MROH9: variants seen among roughly 807,000 people sequenced by gnomAD.
The protein encoded by MROH9 is maestro heat-like repeat-containing protein family member 9.
A neutral mutation model predicts 98.2 loss-of-function variants in MROH9; 92 were observed. The ratio of observed to expected loss-of-function variants is 0.94; its 90% CI spans 0.79 to 1.11. MROH9 has a LOEUF of 1.11. Among genes scored for constraint, MROH9 ranks in the 50% most tolerant of loss-of-function variants. The pLI is 0.00. For missense variants in MROH9, 1,057 were observed against 1,014.8 expected (o/e 1.04, Z -0.57); for synonymous variants, 397 against 368.9 (o/e 1.08, Z -0.87).
chr1:171,048,331 A>T (rs1234704447), intron 20 of MROH9, among the ~76,000 whole-genome samples: 2 of 152,104 alleles, frequency 1.3e-5, no homozygotes, highest in East Asian at 3.9e-4. Flanking sequence ...GTTCCATTGT[A>T]TTGCAGCTTA....
chr1:170,998,448 T>C, intron 15 of MROH9, 174 bp downstream of exon 15: 1 of 1,561,656 alleles, frequency 6.4e-7, no homozygotes, highest in Non-Finnish European at 8.6e-7. Context: ...AGATCTGGGT[T>C]ATGGAAGAGT....
chr1:171,044,471 C>A (rs754524440), intron 20 of MROH9, among the ~76,000 whole-genome samples: 1 of 152,112 alleles, frequency 6.6e-6, no homozygotes, highest in Non-Finnish European at 1.5e-5. Context: ...GTAACACTAG[C>A]CTCACAGAAT....
intron 8 of MROH9, among the ~76,000 whole-genome samples, chr1:170,978,848 TG>T (rs1407453443): frequency 6.6e-6 from 1 of 152,122 alleles, no homozygotes; most frequent in African/African-American, 2.4e-5. Flanking sequence ...GACCAGCCTT[TG>T]GTCCCCACAG....
At chr1:170,998,100 T>A (rs1651647920) in intron 14 of MROH9, 54 bp from the exon 15 acceptor site, 11 of 1,323,924 alleles carry the variant, frequency 8.3e-6, no homozygotes, top group Non-Finnish European at 1.2e-5. Flanking sequence ...TCTTTGCCAC[T>A]ATTAGCATGG....
intron 6 of MROH9, among the ~76,000 whole-genome samples, chr1:170,963,172 A>T (rs550638866): frequency 4.7e-4 from 71 of 152,264 alleles, no homozygotes; most frequent in Non-Finnish European, 7.2e-4. Flanking sequence ...GGCAAAGGAC[A>T]TGAACAGACA....
At chr1:170,997,414 C>T (rs1404700160) in intron 14 of MROH9, among the ~76,000 whole-genome samples, 1 of 152,098 alleles carries the variant, frequency 6.6e-6, no homozygotes, top group East Asian at 1.9e-4. Context: ...GTGGGGTCCA[C>T]AGACAAGCAG....
chr1:171,040,395 C>G (rs1168913235), intron 20 of MROH9, among the ~76,000 whole-genome samples: 1 of 151,932 alleles, frequency 6.6e-6, no homozygotes, highest in African/African-American at 2.4e-5. Context: ...TAAAAGAACA[C>G]TTAAAATACA....
chr1:170,983,961 A>G (rs1651029041), intron 9 of MROH9, among the ~76,000 whole-genome samples: 1 of 152,260 alleles, frequency 6.6e-6, no homozygotes, highest in Admixed American at 6.5e-5. Context: ...TAAAAGCGCT[A>G]TTAAATGAAA....
chr1:171,055,157 A>T (rs1379720523), intron 20 of MROH9, among the ~76,000 whole-genome samples: 1 of 152,230 alleles, frequency 6.6e-6, no homozygotes, highest in African/African-American at 2.4e-5. Context: ...GGGTGTATAT[A>T]TACTGTGAAA....
chr1:171,013,021 A>G (rs555334601), intron 15 of MROH9, among the ~76,000 whole-genome samples: 10 of 151,726 alleles, frequency 6.6e-5, no homozygotes, highest in Non-Finnish European at 1.3e-4. Flanking sequence ...CCTCTCTCTC[A>G]TCTTTCAGGT....
rs769284678 is a variant in MROH9, at chr1:170,995,417, C to G, written c.1223C>G (p.Pro408Arg). The G allele has an allele frequency of 6.2e-7, 1 of 1,613,250 alleles. No individual in the cohort carries two copies. ...TGCCAGGCCCTGTGCACCTTTCTGC[C>G]TCTTGGTTCCTACAGGAAAGCGGTG... ...AACQALCTFL[P>R]LGSYRKAVAQ... The change falls in exon 13 of 22, where the codon CCT becomes CGT. Residue 408 changes from proline (P) to arginine (R), a missense_variant. Coordinates refer to ENST00000367759, the MANE Select transcript of MROH9 (RefSeq NM_001163629.2).
chr1:170,939,188 A>AT (rs1464307104), intron 1 of MROH9, among the ~76,000 whole-genome samples: 1 of 152,204 alleles, frequency 6.6e-6, no homozygotes, highest in African/African-American at 2.4e-5. Context: ...TTCTTCATCA[A>AT]TTTTCCAATC....
At chr1:170,966,848 G>A (rs969952544) in intron 7 of MROH9, among the ~76,000 whole-genome samples, 2 of 152,018 alleles carry the variant, frequency 1.3e-5, no homozygotes, top group East Asian at 1.9e-4. Context: ...TGCAAGTGAG[G>A]CTTGAAATTA....
chr1:170,941,360 C>G (rs1649112608), intron 1 of MROH9, among the ~76,000 whole-genome samples: 1 of 152,094 alleles, frequency 6.6e-6, no homozygotes, highest in Admixed American at 6.6e-5. Flanking sequence ...GTTTATAAGC[C>G]AGCTTAAGCC....
In MROH9 at chr1:170,945,383, T is replaced by C. The variant is rs1649288696; in HGVS notation, c.-37-137T>C. The C allele has an allele frequency of 1.5e-5, 9 of 606,212 alleles. No homozygotes were observed. In the Admixed American group the frequency reaches 2.1e-4, roughly 14 times the overall value. The allele number at this position is 606,212 out of a possible 1,614,324, so 37.6% of individuals were successfully genotyped here. ...ACATATTTTTAAGCCTTTAAATTTG[T>C]GATAAATTGATGCACAGCTATAGAA... is the stretch of plus-strand genomic sequence containing the variant. On this transcript the variant is annotated intron_variant, in intron 1 of 21. Transcript: ENST00000367759.
chr1:170,949,758 G>A (rs142654730), intron 3 of MROH9, among the ~76,000 whole-genome samples: 21 of 152,126 alleles, frequency 1.4e-4, no homozygotes, highest in South Asian at 8.3e-4. Context: ...GGCACCACCT[G>A]CTTGCCAGAA....
intron 15 of MROH9, among the ~76,000 whole-genome samples, chr1:171,005,220 A>G (rs1651917359): frequency 6.6e-6 from 1 of 151,998 alleles, no homozygotes; most frequent in South Asian, 2.1e-4. Context: ...GCATGCCACC[A>G]TGCTTGGGTA....
intron 20 of MROH9, among the ~76,000 whole-genome samples, chr1:171,057,842 C>A (rs1653893214): frequency 6.6e-6 from 1 of 152,002 alleles, no homozygotes; most frequent in Non-Finnish European, 1.5e-5. Flanking sequence ...AATTTCCAAC[C>A]CAGAATTTCA....
In MROH9 at chr1:171,026,091, A is replaced by G. The variant is rs1291658985; in HGVS notation, c.2281+671A>G. 1.3e-5 allele frequency among the ~76,000 whole-genome samples: 2 copies of G among 152,180 alleles called. 1 individual carries two copies. Among genetic ancestry groups the G allele is most frequent in the East Asian group, 3.9e-4 (2 of 5,186 alleles). ...GAGGAAATACATGGTCACATCATAC[A>G]TATAGAGAGGAGGCTCTCGGTCAGG... On this transcript the variant is annotated intron_variant, in intron 20 of 21. Transcript: ENST00000367759.
Sources: gnomAD v4.1 joint callset for allele counts (sites outside exome capture counted in the v4.1 genomes callset) on GRCh38, gnomAD v4.1.1 for gene constraint, MANE v1.5 for transcripts, NCBI Gene and HGNC (gene_info 2026-07-23, HGNC 2026-07-21) for gene names.